C2orf66: variants seen among roughly 807,000 people sequenced by gnomAD.
The protein encoded by C2orf66 is chromosome 2 open reading frame 66.
In C2orf66, 6 loss-of-function variants were observed where a neutral mutation model predicts 7.0. That is an observed-to-expected ratio of 0.86 (90% confidence interval 0.47 to 1.69). The LOEUF (loss-of-function observed/expected upper bound fraction) is 1.69. Among genes scored for constraint, C2orf66 ranks in the 40% most tolerant of loss-of-function variants. The probability of loss-of-function intolerance (pLI) is 0.01; values close to 1 mark genes in which losing one functional copy is unlikely to be tolerated. For missense variants in C2orf66, 107 were observed against 112.0 expected, an observed-to-expected ratio of 0.96 and a Z score of 0.20; for synonymous variants, 38 against 43.8, an observed-to-expected ratio of 0.87 and a Z score of 0.52.
At chr2:196,817,123 C>T in the C2orf66 span, among the ~76,000 whole-genome samples, 3 of 151,160 alleles carry the variant, frequency 2.0e-5, no homozygotes, top group Non-Finnish European at 2.9e-5. Context: ...AGGACAAGGG[C>T]AAAATCAGAA....
chr2:196,818,706 C>T, the C2orf66 span, among the ~76,000 whole-genome samples: 54 of 152,336 alleles, frequency 3.5e-4, no homozygotes, highest in African/African-American at 1.3e-3. Flanking sequence ...AACTGAGAAC[C>T]AGGTTCCCAA....
At chr2:196,809,451 G>A, upstream of C2orf66, 1 of 1,424,746 alleles carries the variant, frequency 7.0e-7, no homozygotes. Flanking sequence ...GACAAGGAAG[G>A]AGAAATAGCA....
At chr2:196,824,045 C>G in the C2orf66 span, among the ~76,000 whole-genome samples, 1 of 151,952 alleles carries the variant, frequency 6.6e-6, no homozygotes, top group Non-Finnish European at 1.5e-5. Flanking sequence ...CCATTAGAAA[C>G]AATTTTTTTT....
the C2orf66 span, among the ~76,000 whole-genome samples, chr2:196,814,512 G>C: frequency 3.3e-5 from 5 of 152,082 alleles, no homozygotes; most frequent in Admixed American, 3.3e-4. Context: ...CATGGCATGC[G>C]TATACCTGTA....
the C2orf66 span, among the ~76,000 whole-genome samples, chr2:196,815,498 A>G: frequency 6.6e-6 from 1 of 152,206 alleles, no homozygotes; most frequent in African/African-American, 2.4e-5. Flanking sequence ...TAAGTAGTGC[A>G]TTTGTAACAG....
the C2orf66 span, among the ~76,000 whole-genome samples, chr2:196,828,288 A>C: frequency 6.7e-6 from 1 of 149,500 alleles, no homozygotes; most frequent in African/African-American, 2.5e-5. Flanking sequence ...AAAGCAACCT[A>C]GCAACCTAGG....
chr2:196,829,445 C>T, the C2orf66 span, among the ~76,000 whole-genome samples: 168 of 151,944 alleles, frequency 1.1e-3, no homozygotes, highest in East Asian at 0.019. Context: ...AAAAAATAAC[C>T]GGGCATGGTG....
At chr2:196,830,451 T>C in the C2orf66 span, among the ~76,000 whole-genome samples, 1 of 152,238 alleles carries the variant, frequency 6.6e-6, no homozygotes, top group African/African-American at 2.4e-5. Flanking sequence ...GCTTCTCCTG[T>C]GAACAGGATA....
At chr2:196,817,052 C>T in the C2orf66 span, among the ~76,000 whole-genome samples, 8 of 152,106 alleles carry the variant, frequency 5.3e-5, no homozygotes, top group East Asian at 1.4e-3. Flanking sequence ...GAGTAGGTCG[C>T]AAAGATTACA....
chr2:196,814,546 A>G, the C2orf66 span, among the ~76,000 whole-genome samples: 4 of 152,154 alleles, frequency 2.6e-5, no homozygotes, highest in Non-Finnish European at 4.4e-5. Flanking sequence ...TGTTCTGCAC[A>G]TGTACCCCAG....
the C2orf66 span, among the ~76,000 whole-genome samples, chr2:196,814,813 C>A: frequency 6.6e-6 from 1 of 152,114 alleles, no homozygotes; most frequent in African/African-American, 2.4e-5. Flanking sequence ...CTTTTAAGAG[C>A]TTCTTAAATT....
intron 1 of C2orf66, 75 bp from the exon 2 acceptor site, chr2:196,807,697 A>AT (rs1368811662): frequency 1.6e-6 from 2 of 1,233,054 alleles, no homozygotes; most frequent in African/African-American, 3.1e-5. Flanking sequence ...TCTTCCCTCT[A>AT]TTTTTCCCCT....
chr2:196,829,537 T>C, the C2orf66 span, among the ~76,000 whole-genome samples: 14 of 147,488 alleles, frequency 9.5e-5, no homozygotes, highest in South Asian at 2.8e-3. Context: ...TGCAGTGAGC[T>C]AACATCCTGC....
At chr2:196,825,500 T>C in the C2orf66 span, among the ~76,000 whole-genome samples, 4 of 152,306 alleles carry the variant, frequency 2.6e-5, no homozygotes, top group Non-Finnish European at 4.4e-5. Context: ...ATTAGCTTGA[T>C]TGTGGTAATC....
chr2:196,823,041 G>A, the C2orf66 span, among the ~76,000 whole-genome samples: 3 of 150,238 alleles, frequency 2.0e-5, no homozygotes, highest in Admixed American at 6.6e-5. Flanking sequence ...AAAGACTAAC[G>A]GGGATTATAA....
the C2orf66 span, among the ~76,000 whole-genome samples, chr2:196,829,407 G>A: frequency 3.3e-5 from 5 of 152,046 alleles, no homozygotes; most frequent in Non-Finnish European, 1.5e-5. Context: ...TGGACAACAT[G>A]GTGAAACCCC....
At chr2:196,829,594 C>CA in the C2orf66 span, among the ~76,000 whole-genome samples, 5,059 of 143,134 alleles carry the variant, frequency 0.035, 87 homozygotes, top group Middle Eastern at 0.049. Context: ...GTCTCAAAAA[C>CA]AAAAAAAAAC....
At chr2:196,826,492 T>C in the C2orf66 span, among the ~76,000 whole-genome samples, 1 of 152,218 alleles carries the variant, frequency 6.6e-6, no homozygotes, top group Admixed American at 6.5e-5. Flanking sequence ...AATTTATGAA[T>C]GTAACAAAAG....
the C2orf66 span, among the ~76,000 whole-genome samples, chr2:196,821,290 G>T: frequency 6.6e-6 from 1 of 152,296 alleles, no homozygotes; most frequent in East Asian, 1.9e-4. Flanking sequence ...AACTGTGAGA[G>T]AATATATTTC....
Sources: allele counts gnomAD v4.1 joint callset (sites outside exome capture counted in the v4.1 genomes callset), GRCh38; gene constraint gnomAD v4.1.1; transcripts MANE v1.5; gene names NCBI Gene and HGNC (gene_info 2026-07-23, HGNC 2026-07-21).